PRKCZ: variants seen among roughly 807,000 people sequenced by gnomAD.
The protein encoded by PRKCZ is protein kinase C zeta type.
PRKCZ carries 33 observed loss-of-function variants against 79.5 expected under a neutral mutation model. That is an observed-to-expected ratio of 0.41 (90% CI 0.31 to 0.55). The LOEUF is 0.55. Among genes scored for constraint, PRKCZ ranks in the 20% least tolerant of loss-of-function variants. The pLI, the probability that PRKCZ is intolerant of heterozygous loss-of-function variation, is 0.19. For synonymous variants in PRKCZ, 342 were observed against 320.9 expected (o/e 1.07, Z -0.70); for missense variants, 578 against 813.5 (o/e 0.71, Z 3.52).
At chr1:2,115,179 T>C (rs898764505) in intron 4 of PRKCZ, among the ~76,000 whole-genome samples, 5 of 152,240 alleles carry the variant, frequency 3.3e-5, no homozygotes, top group African/African-American at 2.4e-5. Context: ...GTCGGGCCCC[T>C]GTGTGGGGCT....
At chr1:2,163,617 G>A (rs1682745616) in intron 10 of PRKCZ, among the ~76,000 whole-genome samples, 1 of 152,198 alleles carries the variant, frequency 6.6e-6, no homozygotes, top group Non-Finnish European at 1.5e-5. Context: ...GAGGCCGGGT[G>A]CGGTGGCTCA....
chr1:2,075,002 G>A lies in PRKCZ; in HGVS notation c.334+15411G>A, dbSNP rs13303230. 0.11 allele frequency: 17,272 copies of A among 152,132 alleles called. 1,105 individuals are homozygous for A. Among genetic ancestry groups the A allele is most frequent in the Middle Eastern group, 0.17 (49 of 296 alleles). The allele number at this position is 152,132 out of a possible 1,614,324, so 9.4% of individuals were successfully genotyped here. A position where few individuals can be genotyped will look rare whatever the true frequency, so the allele number is the denominator to read the frequency against. On this transcript the variant is annotated intron_variant, in intron 4 of 17. Coordinates refer to ENST00000378567, the MANE Select transcript of PRKCZ (RefSeq NM_002744.6). The surrounding 1 kb of genome is among the most constrained non-coding windows in gnomAD (Gnocchi z 4.8). Reference sequence around the variant, plus strand: ...GAGGCGGCTTTCCCTCTCGGGGGGTGCTGGCTGCTGGGGAGGCTGGCAGCG... The same window carrying A: ...GAGGCGGCTTTCCCTCTCGGGGGGTACTGGCTGCTGGGGAGGCTGGCAGCG...
At position 2,061,537 on chromosome 1, in the gene PRKCZ, C is replaced by T. The variant is rs567935505; in HGVS notation, c.334+1946C>T. Among the ~76,000 whole-genome samples the T allele has an allele frequency of 5.9e-5, 9 of 152,234 alleles. No homozygotes were observed. In the East Asian group the frequency reaches 9.7e-4, roughly 16 times the overall value. On this transcript the variant is annotated intron_variant, in intron 4 of 17. Transcript: ENST00000378567. ...CCCCGAGGAAGGACCTCCTGGGACA[C>T]GTGAGTAGGTCCTTGAGATGTTTAC...
intron 4 of PRKCZ, among the ~76,000 whole-genome samples, chr1:2,105,069 C>T (rs893297219): frequency 8.5e-5 from 13 of 152,174 alleles, no homozygotes; most frequent in Non-Finnish European, 1.3e-4. Flanking sequence ...TTGTTGAGAA[C>T]GAGTAACCCC....
intron 10 of PRKCZ, among the ~76,000 whole-genome samples, chr1:2,161,545 G>A (rs952821922): frequency 1.3e-5 from 2 of 152,210 alleles, no homozygotes; most frequent in Non-Finnish European, 2.9e-5. Flanking sequence ...TTCCTGATGT[G>A]GTGTCACAGG....
chr1:2,149,816 G>T lies in PRKCZ; in HGVS notation c.687+892G>T, dbSNP rs893953272. Among the ~76,000 whole-genome samples the T allele has an allele frequency of 5.9e-5, 9 of 152,164 alleles. No homozygotes were observed. Among genetic ancestry groups the T allele is most frequent in the African/African-American group, 2.2e-4 (9 of 41,492 alleles). On this transcript the variant is annotated intron_variant, in intron 8 of 17. Coordinates refer to ENST00000378567, the MANE Select transcript of PRKCZ (RefSeq NM_002744.6). This position sits in a 1 kb window ranked among gnomAD's most constrained non-coding sequence, Gnocchi z 4.1. ...GTGGAGGCTGCAGTGAGCTGAGATC[G>T]CACCACTGCACTCCAGCCTGGGCGA...
intron 4 of PRKCZ, among the ~76,000 whole-genome samples, chr1:2,067,259 G>C (rs540903364): frequency 1.3e-5 from 2 of 151,910 alleles, no homozygotes; most frequent in South Asian, 4.2e-4. Flanking sequence ...GCGCTCTGCT[G>C]TGTCTGTCAG....
In PRKCZ at chr1:2,177,095, C is replaced by T. The variant is rs2100449397; in HGVS notation, c.1575+1782C>T. 6.6e-6 allele frequency among the ~76,000 whole-genome samples: 1 copy of T among 152,280 alleles called. No homozygotes were observed. The highest frequency in any genetic ancestry group is 1.5e-5 in the Non-Finnish European group (1 of 68,020). ...CCAGGCCGGGGTTAGAGGTGGCGTC[C>T]CTTTTCTCTGGCTCAGGCACCCCTG... On this transcript the variant is annotated intron_variant, in intron 16 of 17. Transcript: ENST00000378567. The surrounding 1 kb of genome is among the most constrained non-coding windows in gnomAD (Gnocchi z 6.4).
At chr1:2,084,674 G>A (rs1664162869) in intron 4 of PRKCZ, among the ~76,000 whole-genome samples, 1 of 152,184 alleles carries the variant, frequency 6.6e-6, no homozygotes, top group African/African-American at 2.4e-5. Context: ...CCCAGCATCG[G>A]GTCTGTGTGG....
chr1:2,074,121 C>T lies in PRKCZ; in HGVS notation c.334+14530C>T, dbSNP rs1415036985. 6.6e-6 allele frequency: 10 copies of T among 1,523,268 alleles called. No homozygotes were observed. The South Asian group carries it at 7.5e-5, about 11-fold the overall frequency. 94.4% of individuals were successfully genotyped at this position (1,523,268 alleles called of 1,614,324 possible). On this transcript the variant is annotated intron_variant, in intron 4 of 17. Transcript: ENST00000378567. The stretch of plus-strand genomic sequence containing the variant: ...GGCTGGTGCCACGGCCCGGGGAAGG[C>T]GTGCGGCTGCAGCAGCTCCCAGCAA...
chr1:2,052,236 C>T (rs756678473), intron 1 of PRKCZ, among the ~76,000 whole-genome samples: 5 of 152,168 alleles, frequency 3.3e-5, no homozygotes, highest in Non-Finnish European at 2.9e-5. Context: ...GACCAAGGCT[C>T]GGAGGCAATG....
rs576661638 is a variant in PRKCZ at position 2,095,934 on chromosome 1, C to T, written c.334+36343C>T. On this transcript the variant is annotated intron_variant, in intron 4 of 17. Coordinates refer to ENST00000378567, the MANE Select transcript of PRKCZ (RefSeq NM_002744.6). ...CCTCCTCTCCCCTCCCTTCCCCTCT[C>T]CTCCTTTCCCCTCCCCTCACCTGTT... Among the ~76,000 whole-genome samples, 33 of 133,886 alleles carry T rather than the reference C, an allele frequency of 2.5e-4. 1 individual carries two copies. The highest frequency in any genetic ancestry group is 8.5e-4 in the African/African-American group (30 of 35,334). The allele number at this position is 133,886 out of a possible 152,430, so 87.8% of individuals were successfully genotyped here.
At chr1:2,078,133 G>A (rs1557507462) in intron 4 of PRKCZ, among the ~76,000 whole-genome samples, 1 of 152,240 alleles carries the variant, frequency 6.6e-6, no homozygotes, top group Non-Finnish European at 1.5e-5. Context: ...ATGCCGTGGG[G>A]CTTCCCTGTG....
At chr1:2,183,796 A>G (rs1034258593) in intron 16 of PRKCZ, 1 of 152,384 alleles carries the variant, frequency 6.6e-6, no homozygotes, top group Non-Finnish European at 1.5e-5. Context: ...CTTGACAGCT[A>G]CAGGAGTTTG....
intron 11 of PRKCZ, among the ~76,000 whole-genome samples, chr1:2,170,993 C>A (rs1684311836): frequency 6.6e-6 from 1 of 152,202 alleles, no homozygotes; most frequent in Non-Finnish European, 1.5e-5. Flanking sequence ...GCTTCCGGTT[C>A]TTTGGGGTAT....
intron 4 of PRKCZ, among the ~76,000 whole-genome samples, chr1:2,112,823 G>A (rs1304945306): frequency 6.6e-6 from 1 of 152,002 alleles, no homozygotes; most frequent in Non-Finnish European, 1.5e-5. Context: ...CCAAATAGCT[G>A]GGACTACAGG....
intron 4 of PRKCZ, among the ~76,000 whole-genome samples, chr1:2,107,251 T>G (rs1250012104): frequency 6.6e-6 from 1 of 152,230 alleles, no homozygotes; most frequent in Non-Finnish European, 1.5e-5. Context: ...TGTGGGCTCC[T>G]GTGCGGAGGC....
chr1:2,063,633 C>T (rs79692402), intron 4 of PRKCZ, among the ~76,000 whole-genome samples: 61 of 152,202 alleles, frequency 4.0e-4, no homozygotes, highest in African/African-American at 1.3e-3. Flanking sequence ...TTTAAAGAGC[C>T]GCCGTGCCAT....
At chr1:2,052,691 G>A (rs1020597488) in intron 1 of PRKCZ, among the ~76,000 whole-genome samples, 3 of 152,174 alleles carry the variant, frequency 2.0e-5, no homozygotes, top group African/African-American at 7.2e-5. Flanking sequence ...GGGACTGGCT[G>A]TGGGGTGGGA....
Sources: gnomAD v4.1 joint callset for allele counts (sites outside exome capture counted in the v4.1 genomes callset) on GRCh38, gnomAD v4.1.1 for gene constraint, Gnocchi (gnomAD v3.1) non-coding constraint, MANE v1.5 for transcripts, NCBI Gene and HGNC (gene_info 2026-07-23, HGNC 2026-07-21) for gene names.